NXPE4: variants seen among roughly 807,000 people sequenced by gnomAD.
NXPE4 encodes neurexophilin and PC-esterase domain family member 4.
A neutral mutation model predicts 33.3 loss-of-function variants in NXPE4; 42 were observed. The ratio of observed to expected loss-of-function variants is 1.26; its 90% CI spans 0.98 to 1.63. The LOEUF (loss-of-function observed/expected upper bound fraction) is 1.63. Among genes scored for constraint, NXPE4 ranks in the 40% most tolerant of loss-of-function variants. NXPE4 has a pLI of 0.00. For missense variants in NXPE4, 709 were observed against 647.6 expected, an observed-to-expected ratio of 1.09 and a Z score of -1.03; for synonymous variants, 253 against 234.9, an observed-to-expected ratio of 1.08 and a Z score of -0.71.
intron 5 of NXPE4, among the ~76,000 whole-genome samples, chr11:114,575,558 G>A (rs1010379372): frequency 5.3e-5 from 8 of 151,744 alleles, no homozygotes; most frequent in Non-Finnish European, 1.0e-4. Context: ...CAACCAAGCC[G>A]AGAATCAAAT....
chr11:114,608,348 C>T, the NXPE4 span, among the ~76,000 whole-genome samples: 7 of 151,936 alleles, frequency 4.6e-5, no homozygotes, highest in African/African-American at 7.2e-5. Context: ...AGTGTTGCCA[C>T]GTGGGTAACA....
chr11:114,631,840 G>A, the NXPE4 span, among the ~76,000 whole-genome samples: 301 of 150,750 alleles, frequency 2.0e-3, 1 homozygote, highest in African/African-American at 6.9e-3. Context: ...GATGTTACCC[G>A]GTGGATAATA....
the NXPE4 span, among the ~76,000 whole-genome samples, chr11:114,637,461 A>G: frequency 1.3e-5 from 2 of 151,838 alleles, no homozygotes; most frequent in South Asian, 4.2e-4. Context: ...TAGTCCATTT[A>G]CATTTAAAGT....
chr11:114,606,196 C>T, the NXPE4 span, among the ~76,000 whole-genome samples: 5 of 150,258 alleles, frequency 3.3e-5, no homozygotes, highest in East Asian at 7.9e-4. Flanking sequence ...CACAGTTACC[C>T]GGTGGATAAT....
At chr11:114,649,399 C>A in the NXPE4 span, among the ~76,000 whole-genome samples, 1 of 152,224 alleles carries the variant, frequency 6.6e-6, no homozygotes, top group South Asian at 2.1e-4. Context: ...TAATATTCAG[C>A]AATGAAAAGG....
chr11:114,669,609 C>A, the NXPE4 span, among the ~76,000 whole-genome samples: 1 of 152,050 alleles, frequency 6.6e-6, no homozygotes, highest in Non-Finnish European at 1.5e-5. Flanking sequence ...ATTCTCACTT[C>A]AGCTCACTGG....
At chr11:114,662,918 G>A in the NXPE4 span, among the ~76,000 whole-genome samples, 1 of 152,130 alleles carries the variant, frequency 6.6e-6, no homozygotes, top group Non-Finnish European at 1.5e-5. Context: ...TATATTGAGG[G>A]CCTTGGGTGA....
At chr11:114,633,146 A>G in the NXPE4 span, among the ~76,000 whole-genome samples, 1 of 122,754 alleles carries the variant, frequency 8.1e-6, no homozygotes, top group African/African-American at 3.2e-5. Context: ...ATATTATTTT[A>G]TATATTTGGT....
the NXPE4 span, among the ~76,000 whole-genome samples, chr11:114,621,049 T>A: frequency 6.6e-6 from 1 of 152,190 alleles, no homozygotes; most frequent in East Asian, 1.9e-4. Flanking sequence ...CAATAAGTGT[T>A]GCCTCGTTGG....
the NXPE4 span, among the ~76,000 whole-genome samples, chr11:114,636,673 C>T: frequency 6.6e-6 from 1 of 152,026 alleles, no homozygotes; most frequent in Admixed American, 6.6e-5. Flanking sequence ...TCTTTGTTCT[C>T]ATTGATTTCA....
chr11:114,627,718 G>C, the NXPE4 span, among the ~76,000 whole-genome samples: 1 of 152,128 alleles, frequency 6.6e-6, no homozygotes, highest in Non-Finnish European at 1.5e-5. Context: ...AAAAGACACA[G>C]ATTGGCAAAT....
At chr11:114,592,779 A>G (rs1450584534) in intron 2 of NXPE4, among the ~76,000 whole-genome samples, 4 of 152,212 alleles carry the variant, frequency 2.6e-5, no homozygotes, top group African/African-American at 7.2e-5. Flanking sequence ...ACTTCAAAAT[A>G]TACTACAAAG....
chr11:114,655,658 G>A, the NXPE4 span, among the ~76,000 whole-genome samples: 1 of 152,076 alleles, frequency 6.6e-6, no homozygotes, highest in African/African-American at 2.4e-5. Flanking sequence ...TATTTCTGAG[G>A]CCTCTGTTCT....
the NXPE4 span, among the ~76,000 whole-genome samples, chr11:114,632,738 T>C: frequency 5.1e-5 from 3 of 58,440 alleles, no homozygotes; most frequent in Non-Finnish European, 9.0e-5. Flanking sequence ...ATAATATATA[T>C]AAAATATATT....
chr11:114,584,568 A>G (rs7938696), intron 2 of NXPE4: 4,755 of 165,434 alleles, frequency 0.029, 266 homozygotes, highest in African/African-American at 0.11. Context: ...CATCTTCAAA[A>G]AAGCCAAGAG....
the NXPE4 span, among the ~76,000 whole-genome samples, chr11:114,674,056 G>A: frequency 6.6e-6 from 1 of 151,628 alleles, no homozygotes; most frequent in Non-Finnish European, 1.5e-5. Flanking sequence ...CAAAAGGAGA[G>A]AAGGGGCCTC....
At chr11:114,659,886 A>G in the NXPE4 span, among the ~76,000 whole-genome samples, 1 of 152,098 alleles carries the variant, frequency 6.6e-6, no homozygotes, top group Non-Finnish European at 1.5e-5. Context: ...AAACAAAGCT[A>G]ATTCTTTGTA....
At chr11:114,602,046 AT>A in the NXPE4 span, among the ~76,000 whole-genome samples, 1 of 91,044 alleles carries the variant, frequency 1.1e-5, no homozygotes, top group Non-Finnish European at 1.9e-5. Flanking sequence ...TATAATATAT[AT>A]TATATTATAT....
rs118076470 is a variant in NXPE4 at position 114,571,940 on chromosome 11, C to G, written c.1100-467G>C. 1.0e-3 allele frequency among the ~76,000 whole-genome samples: 153 copies of G among 152,306 alleles called. 2 individuals are homozygous for G. The East Asian group carries it at 0.028, about 28-fold the overall frequency. ...GTGCCACCTGCTGGCTGGAGGCCAA[C>G]GAACACAAAACCAGCACACTAAACA... On this transcript the variant is annotated intron_variant, in intron 5 of 5. Transcript: ENST00000375478.
Sources: gnomAD v4.1 joint callset for allele counts (sites outside exome capture counted in the v4.1 genomes callset) on GRCh38, gnomAD v4.1.1 for gene constraint, MANE v1.5 for transcripts, NCBI Gene and HGNC (gene_info 2026-07-23, HGNC 2026-07-21) for gene names.